Variants in COLGALT1 observed in about 807,000 individuals in gnomAD.
COLGALT1 encodes the protein procollagen galactosyltransferase 1.
In COLGALT1, 43 loss-of-function variants were observed where a neutral mutation model predicts 60.8. That is an observed-to-expected ratio of 0.71 (90% CI 0.55 to 0.91). The LOEUF (loss-of-function observed/expected upper bound fraction) is 0.91. Ranked by LOEUF, COLGALT1 falls within the 40% of genes least tolerant of loss-of-function variation. COLGALT1 has a pLI of 0.00. For missense variants in COLGALT1, 845 were observed against 880.0 expected, an observed-to-expected ratio of 0.96 and a Z score of 0.50; for synonymous variants, 369 against 374.2, an observed-to-expected ratio of 0.99 and a Z score of 0.16.
At position 17,580,780 on chromosome 19, in the gene COLGALT1, T is replaced by A. The variant is rs200469379; in HGVS notation, c.1476T>A (p.Tyr492Ter). The change falls in exon 11 of 12, where the codon TAT (tyrosine) becomes TAA (stop). Residue 492 changes from tyrosine to a stop codon, truncating the protein, a stop_gained. Coordinates refer to ENST00000252599, the MANE Select transcript of COLGALT1 (RefSeq NM_024656.4). LOFTEE classifies it high-confidence loss of function. ...PRVRNLVEAD[Y>*]SYWTLAYVIS... ...TGAGGAACCTGGTGGAGGCCGACTA[T>A]TCCTACTGGACCCTGGCCTACGTGA... The A allele has an allele frequency of 3.7e-6, 6 of 1,613,978 alleles. No individual in the cohort carries two copies. Among genetic ancestry groups the A allele is most frequent in the Non-Finnish European group, 4.2e-6 (5 of 1,179,980 alleles).
rs781472210 is a variant in COLGALT1 at position 17,581,339 on chromosome 19, C to T, written c.1764C>T (p.Arg588=). 35 of 1,613,462 alleles carry T rather than the reference C, an allele frequency of 2.2e-5. No individual in the cohort carries two copies. Among genetic ancestry groups the T allele is most frequent in the African/African-American group, 9.3e-5 (7 of 74,882 alleles). ...NNEHVKTDWD[R]AKSQKMREQQ... The stretch of plus-strand genomic sequence containing the variant: ...AGCACGTCAAGACCGACTGGGACCG[C>T]GCCAAGTCCCAGAAGATGCGGGAGC... The change falls in exon 12 of 12, where the codon CGC becomes CGT. Residue 588 remains arginine (R), a synonymous_variant. Coordinates refer to ENST00000252599, the MANE Select transcript of COLGALT1 (RefSeq NM_024656.4).
In COLGALT1 at chr19:17,560,393, C is replaced by T. The variant is rs781554244; in HGVS notation, c.417C>T (p.Arg139=). The T allele has an allele frequency of 2.5e-6, 4 of 1,614,054 alleles. No homozygotes were observed. The highest frequency in any genetic ancestry group is 3.4e-6 in the Non-Finnish European group (4 of 1,180,034). ...GCCCGAAACACTGGTCTGACTCACGCTACGAGCATGTCATGAAGTTGCGCC... is the reference window on the plus strand; with the variant it reads ...GCCCGAAACACTGGTCTGACTCACGTTACGAGCATGTCATGAAGTTGCGCC... The part of the protein sequence containing the change: ...EEGPKHWSDS[R]YEHVMKLRQA... Residue 139 remains arginine, a synonymous_variant, in exon 3 of 12, where the codon CGC becomes CGT. Transcript: ENST00000252599.
Position 17,568,540 on chromosome 19 carries a change from C to G in COLGALT1, c.656C>G (p.Pro219Arg). Residue 219 changes from proline (P) to arginine (R), a missense_variant, in exon 5 of 12, where the codon CCT becomes CGT. By Grantham distance (103) the Pro-to-Arg change is moderately radical. Transcript: ENST00000252599. The part of the protein sequence containing the change: ...GYYKRTPAYI[P>R]IRKRDRRGCF... Reference sequence around the variant, plus strand: ...TACAAGCGCACACCTGCCTACATCCCTATCCGCAAGCGAGACCGCCGGGGC... The same window carrying G: ...TACAAGCGCACACCTGCCTACATCCGTATCCGCAAGCGAGACCGCCGGGGC... The G allele has an allele frequency of 6.2e-7, 1 of 1,614,206 alleles. No individual in the cohort carries two copies. Among genetic ancestry groups the G allele is most frequent in the Non-Finnish European group, 8.5e-7 (1 of 1,180,040 alleles).
chr19:17,558,830 C>T (rs956336578), intron 1 of COLGALT1, among the ~76,000 whole-genome samples: 2 of 152,018 alleles, frequency 1.3e-5, no homozygotes, highest in Non-Finnish European at 2.9e-5. Flanking sequence ...GGTCCTGTTC[C>T]CACCCCCATG....
At position 17,575,240 on chromosome 19, in the gene COLGALT1, AT is replaced by A. The variant is rs911252548; in HGVS notation, c.950-1949del. Among the ~76,000 whole-genome samples the A allele has an allele frequency of 1.1e-3, 166 of 149,336 alleles. 1 individual carries two copies. Among genetic ancestry groups the A allele is most frequent in the African/African-American group, 3.8e-3 (154 of 40,586 alleles). ...AATTTTTTGTATTTTTATTTTTATT[AT>A]TTTTTGTTTGTTTGTTTTTTTTGAG... On this transcript the variant is annotated intron_variant, in intron 6 of 11. Coordinates refer to ENST00000252599, the MANE Select transcript of COLGALT1 (RefSeq NM_024656.4).
At chr19:17,578,123 T>G in intron 9 of COLGALT1, 34 bp downstream of exon 9, 13 of 1,569,464 alleles carry the variant, frequency 8.3e-6, no homozygotes, top group Non-Finnish European at 1.1e-5. Flanking sequence ...GCCAGAGTTA[T>G]GACTCTAGAT....
chr19:17,557,566 C>G, intron 1 of COLGALT1, among the ~76,000 whole-genome samples: 1 of 151,554 alleles, frequency 6.6e-6, no homozygotes, highest in East Asian at 1.9e-4. Flanking sequence ...TCCCTAAGTG[C>G]TGGGATTACA....
rs1012437941 is a variant in COLGALT1 at position 17,568,545 on chromosome 19, C to G, written c.661C>G (p.Arg221Gly). 8.1e-6 allele frequency: 13 copies of G among 1,614,098 alleles called. No homozygotes were observed. Among genetic ancestry groups the G allele is most frequent in the South Asian group, 5.5e-5 (5 of 91,088 alleles). Residue 221 changes from arginine (R) to glycine (G), a missense_variant, in exon 5 of 12, where the codon CGC becomes GGC. Physicochemically the swap from Arg to Gly is moderately radical, Grantham distance 125. Coordinates refer to ENST00000252599, the MANE Select transcript of COLGALT1 (RefSeq NM_024656.4). ...GCGCACACCTGCCTACATCCCTATC[C>G]GCAAGCGAGACCGCCGGGGCTGCTT... ...YKRTPAYIPI[R>G]KRDRRGCFAV... is the part of the protein sequence containing the mutation.
At chr19:17,570,858 C>T (rs1012937176) in intron 5 of COLGALT1, among the ~76,000 whole-genome samples, 4 of 152,096 alleles carry the variant, frequency 2.6e-5, no homozygotes, top group African/African-American at 7.2e-5. Context: ...AGCCACCACA[C>T]CCGGCCAATT....
chr19:17,577,934 G>T, intron 8 of COLGALT1, 23 bp from the exon 9 acceptor site: 1 of 1,589,006 alleles, frequency 6.3e-7, no homozygotes, highest in African/African-American at 1.3e-5. Context: ...CCTTCTTCGT[G>T]ACCCTCTCCT....
intron 8 of COLGALT1, 64 bp downstream of exon 8, chr19:17,577,531 G>A: frequency 7.4e-7 from 1 of 1,356,320 alleles, no homozygotes; most frequent in Non-Finnish European, 9.7e-7. Flanking sequence ...AGACCTCGCT[G>A]GTAGACGGCA....
intron 1 of COLGALT1, among the ~76,000 whole-genome samples, chr19:17,556,308 G>C (rs1357915061): frequency 2.0e-5 from 3 of 152,202 alleles, no homozygotes; most frequent in African/African-American, 4.8e-5. Flanking sequence ...GGGCAGCTCC[G>C]GCCTCACTAA....
At chr19:17,580,435 T>A in intron 10 of COLGALT1, 1 of 528,686 alleles carries the variant, frequency 1.9e-6, no homozygotes. Context: ...AGCTTCAGCC[T>A]CAGAGAACGT....
Position 17,581,511 on chromosome 19 carries a change from C to G in COLGALT1, c.*67C>G, listed in dbSNP as rs561662387. 9.1e-6 allele frequency: 14 copies of G among 1,544,916 alleles called. No homozygotes were observed. The Admixed American group carries it at 2.4e-4, about 27-fold the overall frequency. On this transcript the variant is annotated 3_prime_UTR_variant, in exon 12 of 12. Coordinates refer to ENST00000252599, the MANE Select transcript of COLGALT1 (RefSeq NM_024656.4). ...GGCTCCACGTGCTTACTGAGGACAT[C>G]AGGTCCACCTCTGGACCCCTTGGCA... is the stretch of plus-strand genomic sequence containing the variant.
In COLGALT1 at chr19:17,568,610, G is replaced by C. The variant is rs375009485; in HGVS notation, c.726G>C (p.Leu242=). The change falls in exon 5 of 12, where the codon CTG becomes CTC. Residue 242 remains leucine (L), a synonymous_variant. Coordinates refer to ENST00000252599, the MANE Select transcript of COLGALT1 (RefSeq NM_024656.4). The part of the protein sequence containing the change: ...PMVHSTFLID[L]RKAASRNLAF... ...TGCACTCGACCTTCCTGATCGACCTGCGGAAGGCGGCGTCCAGGAACCTGG... is the reference window on the plus strand; with the variant it reads ...TGCACTCGACCTTCCTGATCGACCTCCGGAAGGCGGCGTCCAGGAACCTGG... 3 of 1,614,070 alleles carry C rather than the reference G, an allele frequency of 1.9e-6. No homozygotes were observed. The African/African-American group carries it at 4.0e-5, about 22-fold the overall frequency.
At chr19:17,577,807 T>C (rs2144845270) in intron 8 of COLGALT1, 150 bp from the exon 9 acceptor site, 1 of 1,046,782 alleles carries the variant, frequency 9.6e-7, no homozygotes, top group Admixed American at 2.3e-5. Flanking sequence ...CATGTGCAGG[T>C]GAGTGAGGCC....
At chr19:17,569,156 G>T in intron 5 of COLGALT1, among the ~76,000 whole-genome samples, 1 of 152,036 alleles carries the variant, frequency 6.6e-6, no homozygotes, top group Non-Finnish European at 1.5e-5. Flanking sequence ...AAGTTGCAGT[G>T]AGCCGAGATC....
intron 3 of COLGALT1, among the ~76,000 whole-genome samples, chr19:17,563,276 C>T (rs2076260097): frequency 6.8e-6 from 1 of 146,974 alleles, no homozygotes; most frequent in East Asian, 2.0e-4. Flanking sequence ...CTGCAGCCTC[C>T]ACCTCCTGGG....
rs1019380569 is a variant in COLGALT1, at chr19:17,577,481, C to A, written c.1133+14C>A. 13 of 193,014 alleles carry A rather than the reference C, an allele frequency of 6.7e-5. No individual in the cohort carries two copies. Among genetic ancestry groups the A allele is most frequent in the Non-Finnish European group, 8.3e-5 (13 of 157,284 alleles). 12.0% of individuals were successfully genotyped at this position (193,014 alleles called of 1,614,324 possible). A position where few individuals can be genotyped will look rare whatever the true frequency, so the allele number is the denominator to read the frequency against. On this transcript the variant is annotated intron_variant, in intron 8 of 11. Coordinates refer to ENST00000252599, the MANE Select transcript of COLGALT1 (RefSeq NM_024656.4). ...CGTGGACGGCAAGTGAGTCCGAGGC[C>A]TGGGGGTGGGGGGGCGGGTCCGCAC...
Sources: allele counts gnomAD v4.1 joint callset (sites outside exome capture counted in the v4.1 genomes callset), GRCh38; gene constraint gnomAD v4.1.1; transcripts MANE v1.5; gene names NCBI Gene and HGNC (gene_info 2026-07-23, HGNC 2026-07-21).